The following CDYL2 variants were observed in gnomAD, a reference collection of about 807,000 sequenced individuals.
CDYL2 encodes chromodomain Y like 2.
In CDYL2, 23 loss-of-function variants were observed where a neutral mutation model predicts 49.4. That is an observed-to-expected ratio of 0.47 (90% CI 0.34 to 0.66). The LOEUF (loss-of-function observed/expected upper bound fraction) is 0.66. CDYL2 is among the 30% of genes least tolerant of loss of function. The pLI is 0.01. For missense variants in CDYL2, 678 were observed against 656.4 expected, an observed-to-expected ratio of 1.03 and a Z score of -0.36; for synonymous variants, 360 against 268.8, an observed-to-expected ratio of 1.34 and a Z score of -3.32.
At chr16:80,626,835 G>A (rs1026971804) in intron 3 of CDYL2, among the ~76,000 whole-genome samples, 1 of 152,140 alleles carries the variant, frequency 6.6e-6, no homozygotes, top group Non-Finnish European at 1.5e-5. Flanking sequence ...ACCTAGTAGT[G>A]CCAGGAATTG....
At position 80,728,212 on chromosome 16, in the gene CDYL2, G is replaced by A. The variant is rs566470957; in HGVS notation, c.25-43083C>T. 5.8e-3 allele frequency among the ~76,000 whole-genome samples: 884 copies of A among 152,066 alleles called. 12 individuals carry two copies. The highest frequency in any genetic ancestry group is 0.02 in the African/African-American group (836 of 41,488). ...TAAAAACTTTGAAAAAAATTTAGAC[G>A]AATGTATAACTAGAATAACCAATAC... On this transcript the variant is annotated intron_variant, in intron 1 of 6. Transcript: ENST00000570137.
chr16:80,726,998 A>T (rs1454402409), intron 1 of CDYL2, among the ~76,000 whole-genome samples: 1 of 152,168 alleles, frequency 6.6e-6, no homozygotes, highest in East Asian at 1.9e-4. Flanking sequence ...ATGTGGGAGG[A>T]TTGCTGGAGC....
intron 1 of CDYL2, among the ~76,000 whole-genome samples, chr16:80,727,295 G>T (rs1373251398): frequency 6.6e-6 from 1 of 152,232 alleles, no homozygotes; most frequent in Admixed American, 6.5e-5. Flanking sequence ...CAAGCGCAAG[G>T]GGTCAGGGAG....
intron 2 of CDYL2, among the ~76,000 whole-genome samples, chr16:80,642,259 G>T (rs4889185): frequency 0.1 from 15,404 of 152,006 alleles, 858 homozygotes; most frequent in South Asian, 0.18. Flanking sequence ...ACTGGCCAAA[G>T]TGATGAAACC....
intron 3 of CDYL2, among the ~76,000 whole-genome samples, chr16:80,630,848 C>T (rs1459629363): frequency 6.6e-6 from 1 of 152,104 alleles, no homozygotes; most frequent in Non-Finnish European, 1.5e-5. Context: ...GAGCACAGCA[C>T]CTCCCTCCCC....
Position 80,722,036 on chromosome 16 carries a change from G to T in CDYL2, c.25-36907C>A, listed in dbSNP as rs77599766. The stretch of plus-strand genomic sequence containing the variant: ...TGGTTATGGACCCCTCAGGAGCTGA[G>T]AGAATGTCTAAAAGGGCTCTATAAA... On this transcript the variant is annotated intron_variant, in intron 1 of 6. Coordinates refer to ENST00000570137, the MANE Select transcript of CDYL2 (RefSeq NM_152342.4). Among the ~76,000 whole-genome samples the T allele has an allele frequency of 7.6e-3, 1,156 of 152,306 alleles. 20 individuals carry two copies. Among genetic ancestry groups the T allele is most frequent in the African/African-American group, 0.026 (1,076 of 41,546 alleles).
intron 2 of CDYL2, among the ~76,000 whole-genome samples, chr16:80,644,899 C>T (rs1012250464): frequency 4.6e-5 from 7 of 152,152 alleles, no homozygotes; most frequent in South Asian, 2.1e-4. Context: ...AAGGATTCCC[C>T]ATTTAATAAA....
chr16:80,723,026 CT>C (rs1905050803), intron 1 of CDYL2, among the ~76,000 whole-genome samples: 1 of 152,230 alleles, frequency 6.6e-6, no homozygotes, highest in Non-Finnish European at 1.5e-5. Flanking sequence ...CCCTTTTCTG[CT>C]GCAGGGTGAA....
intron 1 of CDYL2, among the ~76,000 whole-genome samples, chr16:80,728,996 C>T (rs897263855): frequency 6.6e-6 from 1 of 151,928 alleles, no homozygotes; most frequent in Non-Finnish European, 1.5e-5. Context: ...ACTGCAAAAT[C>T]ATGCCAAAAT....
intron 1 of CDYL2, among the ~76,000 whole-genome samples, chr16:80,723,240 C>T (rs537053845): frequency 6.6e-6 from 1 of 152,214 alleles, no homozygotes; most frequent in Non-Finnish European, 1.5e-5. Context: ...TTCCTCCTGG[C>T]ACAAAGGCTG....
intron 1 of CDYL2, among the ~76,000 whole-genome samples, chr16:80,724,193 G>A (rs959159631): frequency 1.4e-5 from 2 of 145,964 alleles, no homozygotes; most frequent in African/African-American, 5.1e-5. Flanking sequence ...GAGGAGAGGA[G>A]GAGGGGAAGG....
intron 1 of CDYL2, among the ~76,000 whole-genome samples, chr16:80,782,546 A>AC (rs1907304908): frequency 6.6e-6 from 1 of 150,886 alleles, no homozygotes; most frequent in Non-Finnish European, 1.5e-5. Flanking sequence ...AAAAAAAAAA[A>AC]AAAAAACTAC....
At chr16:80,632,836 T>A in intron 3 of CDYL2, 183 bp downstream of exon 3, 1 of 591,838 alleles carries the variant, frequency 1.7e-6, no homozygotes, top group South Asian at 2.0e-5. Context: ...TACACGGTCA[T>A]AAAGATCAAA....
intron 3 of CDYL2, among the ~76,000 whole-genome samples, chr16:80,621,892 G>A (rs1481317306): frequency 1.3e-5 from 2 of 152,136 alleles, no homozygotes; most frequent in Non-Finnish European, 2.9e-5. Flanking sequence ...TCGGTAAGTG[G>A]TAAGACCAAC....
At chr16:80,609,565 C>T (rs1004644902) in intron 5 of CDYL2, among the ~76,000 whole-genome samples, 3 of 152,236 alleles carry the variant, frequency 2.0e-5, no homozygotes, top group East Asian at 3.8e-4. Context: ...TTCTGAAGAA[C>T]ACCTCAGTCA....
intron 1 of CDYL2, among the ~76,000 whole-genome samples, chr16:80,713,349 T>C (rs1230683760): frequency 6.6e-6 from 1 of 152,208 alleles, no homozygotes; most frequent in Non-Finnish European, 1.5e-5. Context: ...TCAATCAGAT[T>C]GTCACATGCC....
chr16:80,640,841 T>G (rs557550090), intron 2 of CDYL2, among the ~76,000 whole-genome samples: 1 of 152,240 alleles, frequency 6.6e-6, no homozygotes, highest in African/African-American at 2.4e-5. Flanking sequence ...ATAGCAGAAT[T>G]GAACAAGCGT....
intron 2 of CDYL2, among the ~76,000 whole-genome samples, chr16:80,673,180 C>T: frequency 6.6e-6 from 1 of 152,028 alleles, no homozygotes. Context: ...ATTAGCCGGG[C>T]ATGGTGGCAT....
At chr16:80,692,298 T>A (rs1910448478) in intron 1 of CDYL2, among the ~76,000 whole-genome samples, 1 of 152,062 alleles carries the variant, frequency 6.6e-6, no homozygotes, top group East Asian at 1.9e-4. Context: ...CCCTCCCCCA[T>A]CCAAAAATCA....
Sources: allele counts gnomAD v4.1 joint callset (sites outside exome capture counted in the v4.1 genomes callset), GRCh38; gene constraint gnomAD v4.1.1; transcripts MANE v1.5; gene names NCBI Gene and HGNC (gene_info 2026-07-23, HGNC 2026-07-21).